Variants in MRPL34 observed in about 807,000 individuals in gnomAD.
MRPL34 encodes mitochondrial ribosomal protein L34, also known as large ribosomal subunit protein bL34m.
Under a neutral mutation model 6.7 loss-of-function variants are expected in MRPL34, and 8 were observed. The ratio of observed to expected loss-of-function variants is 1.20; its 90% CI spans 0.70 to 2.16. The LOEUF (loss-of-function observed/expected upper bound fraction) is 2.16, where lower values mean the gene tolerates loss of function less well. Ranked by LOEUF, MRPL34 falls within the 30% of genes most tolerant of loss-of-function variation. MRPL34 has a pLI of 0.00. For missense variants in MRPL34, 146 were observed against 125.5 expected, an observed-to-expected ratio of 1.16 and a Z score of -0.78; for synonymous variants, 59 against 55.1, an observed-to-expected ratio of 1.07 and a Z score of -0.31.
rs2074150155 is a variant in MRPL34 at position 17,306,555 on chromosome 19, A to G, written c.*176A>G. On this transcript the variant is annotated 3_prime_UTR_variant, in exon 2 of 2. Coordinates refer to ENST00000252602, the MANE Select transcript of MRPL34 (RefSeq NM_023937.4). ...GCCAAGTCCCTTTTTAGGCTTTTTA[A>G]TTAGGAAGCATTTCGAACCTGCGCA... is the stretch of plus-strand genomic sequence containing the variant. 1.7e-6 allele frequency: 1 copy of G among 594,884 alleles called. No homozygotes were observed. Among genetic ancestry groups the G allele is most frequent in the African/African-American group, 1.9e-5 (1 of 52,732 alleles). 36.9% of individuals were successfully genotyped at this position (594,884 alleles called of 1,614,324 possible).
At chr19:17,294,492 G>A (rs1321302751) in intron 1 of MRPL34, 1 of 1,613,936 alleles carries the variant, frequency 6.2e-7, no homozygotes. Context: ...CTCCTTGGCG[G>A]GCGAAGCCGG....
At position 17,305,971 on chromosome 19, in the gene MRPL34, G is replaced by T. The variant is rs767303408; in HGVS notation, c.65+14G>T. 3.7e-6 allele frequency: 6 copies of T among 1,613,904 alleles called. No homozygotes were observed. The Admixed American group carries it at 1.0e-4, about 27-fold the overall frequency. On this transcript the variant is annotated intron_variant, in intron 1 of 1. Coordinates refer to ENST00000252602, the MANE Select transcript of MRPL34 (RefSeq NM_023937.4). ...GCTGGGTGGCAGGTAAGTCCTCAGG[G>T]GGACCCTTCCCCAAATCAGGGAATA... is the stretch of plus-strand genomic sequence containing the variant.
At position 17,294,225 on chromosome 19, in the gene MRPL34, A is replaced by T. The variant is rs1294391755; in HGVS notation, c.214+1371A>T. The T allele has an allele frequency of 5.2e-6, 8 of 1,552,962 alleles. No homozygotes were observed. The East Asian group carries it at 1.6e-4, about 31-fold the overall frequency. On this transcript the variant is annotated intron_variant, in intron 1 of 2. Coordinates refer to the MRPL34 transcript ENST00000595444. The stretch of plus-strand genomic sequence containing the variant: ...CGCTACCACGCCCCCCGCAGAGGCC[A>T]CGCCCCTCCCGGGCAGCACCCTGGG...
intron 1 of MRPL34, 74 bp from the exon 2 acceptor site, chr19:17,306,092 G>A: frequency 6.7e-7 from 1 of 1,495,868 alleles, no homozygotes; most frequent in Non-Finnish European, 9.0e-7. Context: ...CGGGAGCCGA[G>A]GCTCAGAGAG....
chr19:17,306,105 T>C, intron 1 of MRPL34, 61 bp from the exon 2 acceptor site: 1 of 1,497,086 alleles, frequency 6.7e-7, no homozygotes, highest in Non-Finnish European at 9.0e-7. Flanking sequence ...TCAGAGAGGT[T>C]GAGCGCCAAG....
In MRPL34 at chr19:17,306,178, C is replaced by T. The variant is rs1393029542; in HGVS notation, c.78C>T (p.Pro26=). The change falls in exon 2 of 2, where the codon CCC becomes CCT. Residue 26 remains proline, a synonymous_variant. Transcript: ENST00000252602. ...AALLGGRWLQ[P]RAWLGFPDAW... is the part of the protein sequence containing the mutation. ...TCTACCCACGCAGGTGGCTCCAGCC[C>T]CGGGCCTGGCTGGGGTTCCCAGACG... The T allele has an allele frequency of 1.3e-6, 2 of 1,530,680 alleles. No homozygotes were observed. Among genetic ancestry groups the T allele is most frequent in the Non-Finnish European group, 1.8e-6 (2 of 1,141,804 alleles). 94.8% of individuals were successfully genotyped at this position (1,530,680 alleles called of 1,614,324 possible).
At position 17,305,958 on chromosome 19, in the gene MRPL34, G is replaced by T. The variant is rs1414977139; in HGVS notation, c.65+1G>T. On this transcript the variant is annotated splice_donor_variant, in intron 1 of 1. Coordinates refer to ENST00000252602, the MANE Select transcript of MRPL34 (RefSeq NM_023937.4). LOFTEE classifies it high-confidence loss of function. ...GGTCGGCAGCGTTGCTGGGTGGCAGGTAAGTCCTCAGGGGGACCCTTCCCC... is the reference window on the plus strand; with the variant it reads ...GGTCGGCAGCGTTGCTGGGTGGCAGTTAAGTCCTCAGGGGGACCCTTCCCC... 6.2e-7 allele frequency: 1 copy of T among 1,614,152 alleles called. No homozygotes were observed. Among genetic ancestry groups the T allele is most frequent in the Non-Finnish European group, 8.5e-7 (1 of 1,180,022 alleles).
chr19:17,294,292 G>A, intron 1 of MRPL34: 1 of 1,603,120 alleles, frequency 6.2e-7, no homozygotes, highest in Non-Finnish European at 8.5e-7. Flanking sequence ...CTCTACCTCG[G>A]CCATGCGCTG....
At chr19:17,298,862 C>T (rs10424198), upstream of MRPL34, among the ~76,000 whole-genome samples, 37,780 of 151,146 alleles carry the variant, frequency 0.25, 5,077 homozygotes, top group Non-Finnish European at 0.29. Context: ...TGCCTCACAC[C>T]CCCGAGTAGC....
chr19:17,304,083 G>A (rs1446750172), upstream of MRPL34, among the ~76,000 whole-genome samples: 2 of 152,314 alleles, frequency 1.3e-5, no homozygotes, highest in East Asian at 1.9e-4. Flanking sequence ...TCACTGGCGT[G>A]AGCCATCGTG....
rs1298385563 is a variant in MRPL34 at position 17,294,629 on chromosome 19, G to A, written c.214+1775G>A. On this transcript the variant is annotated intron_variant, in intron 1 of 2. Transcript: ENST00000595444. The stretch of plus-strand genomic sequence containing the variant: ...CCCATCCAACTCGAGCAGATGCCTG[G>A]GTTCGCCAGGGCCAGGATCACGGTC... 8.7e-6 allele frequency: 14 copies of A among 1,608,986 alleles called. No individual in the cohort carries two copies. The South Asian group carries it at 1.2e-4, about 14-fold the overall frequency.
chr19:17,301,511 C>T, upstream of MRPL34: 1 of 1,611,670 alleles, frequency 6.2e-7, no homozygotes, highest in Non-Finnish European at 8.5e-7. Flanking sequence ...TTGACCTCTA[C>T]AAAGGTGTAG....
Position 17,306,290 on chromosome 19 carries a change from C to T in MRPL34, c.190C>T (p.His64Tyr), listed in dbSNP as rs1568350620. Residue 64 changes from histidine to tyrosine, a missense_variant, in exon 2 of 2, where the codon CAC (histidine) becomes TAC (tyrosine). Coordinates refer to ENST00000252602, the MANE Select transcript of MRPL34 (RefSeq NM_023937.4). ...GAGCAACATCAAACGCAAGAACAAG[C>T]ACGGCTGGGTCCGGCGCCTGAGCAC... is the stretch of plus-strand genomic sequence containing the variant. Reference protein sequence around the residue: ...QPSNIKRKNKHGWVRRLSTPA... With the variant: ...QPSNIKRKNKYGWVRRLSTPA... The T allele has an allele frequency of 6.2e-7, 1 of 1,609,954 alleles. No individual in the cohort carries two copies. The highest frequency in any genetic ancestry group is 8.5e-7 in the Non-Finnish European group (1 of 1,178,942).
chr19:17,295,932 A>C (rs754516156), intron 1 of MRPL34, among the ~76,000 whole-genome samples: 1 of 152,128 alleles, frequency 6.6e-6, no homozygotes, highest in Non-Finnish European at 1.5e-5. Flanking sequence ...GCTGGTCTTG[A>C]ACTCCTGGGC....
At chr19:17,301,773 TG>T, upstream of MRPL34, 1 of 796,954 alleles carries the variant, frequency 1.3e-6, no homozygotes, top group Non-Finnish European at 1.8e-6. Context: ...GAGATTTTTT[TG>T]TTTGTGTGTG....
At chr19:17,306,114 A>C in intron 1 of MRPL34, 52 bp from the exon 2 acceptor site, 2 of 1,493,878 alleles carry the variant, frequency 1.3e-6, no homozygotes, top group Non-Finnish European at 9.0e-7. Flanking sequence ...TTGAGCGCCA[A>C]GGTCACCCAG....
At chr19:17,305,820 C>T, upstream of MRPL34, 1 of 1,457,142 alleles carries the variant, frequency 6.9e-7, no homozygotes, top group Admixed American at 1.7e-5. Context: ...TCCCATAATC[C>T]TTTGTTCCAG....
chr19:17,299,233 G>GAC (rs986682234), upstream of MRPL34, among the ~76,000 whole-genome samples: 3 of 56,022 alleles, frequency 5.4e-5, no homozygotes, highest in African/African-American at 8.4e-5. Flanking sequence ...AACATAATGA[G>GAC]ACCCCCCCCC....
chr19:17,298,972 C>T (rs1486961927), upstream of MRPL34, among the ~76,000 whole-genome samples: 3 of 152,134 alleles, frequency 2.0e-5, no homozygotes, highest in Non-Finnish European at 2.9e-5. Context: ...GAACTCCTGA[C>T]CTCAAGTGAT....
Sources: allele counts gnomAD v4.1 joint callset (sites outside exome capture counted in the v4.1 genomes callset), GRCh38; gene constraint gnomAD v4.1.1; transcripts MANE v1.5; gene names NCBI Gene and HGNC (gene_info 2026-07-23, HGNC 2026-07-21).